ERICH3: variants seen among roughly 807,000 people sequenced by gnomAD.
ERICH3 encodes glutamate-rich protein 3.
A neutral mutation model predicts 131.1 loss-of-function variants in ERICH3; 126 were observed. That is an observed-to-expected ratio of 0.96 (90% confidence interval 0.83 to 1.11). The LOEUF is 1.11. ERICH3 is among the 50% of genes most tolerant of loss of function. The probability of loss-of-function intolerance (pLI) is 0.00; values close to 1 mark genes in which losing one functional copy is unlikely to be tolerated. For missense variants in ERICH3, 2,050 were observed against 1,810.7 expected (o/e 1.13, Z -2.40); for synonymous variants, 695 against 644.6 (o/e 1.08, Z -1.18).
chr1:74,670,576 T>C (rs577234302), intron 1 of ERICH3, among the ~76,000 whole-genome samples: 3 of 152,364 alleles, frequency 2.0e-5, no homozygotes, highest in South Asian at 2.1e-4. Context: ...CTGTCTTTAC[T>C]TTAATCTCTT....
At chr1:74,646,644 A>T in intron 3 of ERICH3, 23 bp downstream of exon 3, 1 of 1,165,612 alleles carries the variant, frequency 8.6e-7, no homozygotes, top group Non-Finnish European at 1.2e-6. Context: ...AAAATAAAAT[A>T]AAAAATAAGT....
In ERICH3 at chr1:74,641,685, T is replaced by A. The variant is rs75702909; in HGVS notation, c.316-226A>T. Among the ~76,000 whole-genome samples, 156 of 152,170 alleles carry A rather than the reference T, an allele frequency of 1.0e-3. 5 individuals are homozygous for A. In the East Asian group the frequency reaches 0.025, roughly 24 times the overall value. On this transcript the variant is annotated intron_variant, in intron 4 of 14. Coordinates refer to ENST00000326665, the MANE Select transcript of ERICH3 (RefSeq NM_001002912.5). ...AGCAGTGTATCCTCCATTTTAGCAATAATATTTGTTAATTTGCTTCAAGCA... is the reference window on the plus strand; with the variant it reads ...AGCAGTGTATCCTCCATTTTAGCAAAAATATTTGTTAATTTGCTTCAAGCA...
At chr1:74,589,318 C>T in intron 12 of ERICH3, 1 of 477,066 alleles carries the variant, frequency 2.1e-6, no homozygotes, top group Non-Finnish European at 3.7e-6. Flanking sequence ...CTAAAAGCCA[C>T]ACACATCCTT....
Position 74,650,512 on chromosome 1 carries a change from C to T in ERICH3, c.24-1197G>A, listed in dbSNP as rs532741400. Among the ~76,000 whole-genome samples the T allele has an allele frequency of 2.0e-5, 3 of 152,150 alleles. No individual in the cohort carries two copies. The East Asian group carries it at 5.8e-4, about 29-fold the overall frequency. On this transcript the variant is annotated intron_variant, in intron 1 of 14. Coordinates refer to ENST00000326665, the MANE Select transcript of ERICH3 (RefSeq NM_001002912.5). ...TCCTCCCTTATCCACATTCCAAGAC[C>T]CCCAGTGGATGCCTGAAACCGTGGA...
At chr1:74,665,264 T>C (rs932256224) in intron 1 of ERICH3, among the ~76,000 whole-genome samples, 2 of 150,572 alleles carry the variant, frequency 1.3e-5, no homozygotes, top group Non-Finnish European at 3.0e-5. Context: ...CACCAGACCC[T>C]GCAAATGTCT....
chr1:74,587,261 G>A (rs927563684), intron 12 of ERICH3, among the ~76,000 whole-genome samples: 1 of 146,170 alleles, frequency 6.8e-6, no homozygotes, highest in Non-Finnish European at 1.5e-5. Context: ...GGAGGCAGAG[G>A]TTGCAGTGAG....
chr1:74,612,529 C>G, intron 9 of ERICH3, 94 bp downstream of exon 9: 1 of 1,157,490 alleles, frequency 8.6e-7, no homozygotes. Flanking sequence ...TACTGAATTT[C>G]CTTAATAATT....
rs954158595 is a variant in ERICH3 at position 74,590,027 on chromosome 1, T to C, written c.1780A>G (p.Ser594Gly). The C allele has an allele frequency of 3.1e-6, 5 of 1,613,814 alleles. No individual in the cohort carries two copies. In the African/African-American group the frequency reaches 6.7e-5, roughly 22 times the overall value. ...SSRSHPYSSD[S>G]EDESAVGDRE... ...TCCCCCACTGCAGATTCATCCTCAC[T>C]GTCACTAGAATAAGGGTGACTTCTG... Residue 594 changes from serine to glycine, a missense_variant, in exon 12 of 15, where the codon AGT (serine) becomes GGT (glycine). Ser to Gly is a moderately conservative substitution (Grantham distance 56). Transcript: ENST00000326665.
chr1:74,574,159 T>A (rs1023020700), intron 13 of ERICH3, among the ~76,000 whole-genome samples: 4 of 151,918 alleles, frequency 2.6e-5, no homozygotes, highest in African/African-American at 7.3e-5. Context: ...CCAGGCTAAT[T>A]TTTTTGTTTT....
chr1:74,573,108 C>T lies in ERICH3; in HGVS notation c.2602G>A (p.Val868Met), dbSNP rs755899755. The change falls in exon 14 of 15, where the codon GTG (valine) becomes ATG (methionine). Residue 868 changes from valine (V) to methionine (M), a missense_variant. Val to Met is a conservative substitution (Grantham distance 21). Coordinates refer to ENST00000326665, the MANE Select transcript of ERICH3 (RefSeq NM_001002912.5). ...PIGQAAAKDA[V>M]GLSKDEAPEK... ...GGAGCCTCATCTTTACTCAGACCCA[C>T]AGCATCTTTTGCTGCTGCTTGTCCT... 50 of 1,613,954 alleles carry T rather than the reference C, an allele frequency of 3.1e-5. No homozygotes were observed. Among genetic ancestry groups the T allele is most frequent in the Non-Finnish European group, 4.2e-5 (49 of 1,179,946 alleles).
At chr1:74,631,299 T>C (rs747593601) in intron 7 of ERICH3, among the ~76,000 whole-genome samples, 4 of 152,134 alleles carry the variant, frequency 2.6e-5, no homozygotes, top group Non-Finnish European at 5.9e-5. Context: ...AATTTATCTA[T>C]GTATGATACA....
chr1:74,642,643 T>C (rs779123500), intron 4 of ERICH3, among the ~76,000 whole-genome samples: 1 of 152,160 alleles, frequency 6.6e-6, no homozygotes, highest in Non-Finnish European at 1.5e-5. Flanking sequence ...AATGAAAATG[T>C]GTCATTGTAT....
At chr1:74,640,094 C>T (rs1220325298) in intron 5 of ERICH3, among the ~76,000 whole-genome samples, 1 of 152,244 alleles carries the variant, frequency 6.6e-6, no homozygotes, top group Middle Eastern at 3.4e-3. Context: ...CTTTTTCACT[C>T]CTACCACATT....
chr1:74,663,679 G>A (rs1646663125), intron 1 of ERICH3, among the ~76,000 whole-genome samples: 1 of 150,760 alleles, frequency 6.6e-6, no homozygotes, highest in South Asian at 2.1e-4. Context: ...CTTTTGGTTT[G>A]GAGTGGTTTG....
intron 1 of ERICH3, among the ~76,000 whole-genome samples, chr1:74,660,164 C>T (rs1646626583): frequency 6.6e-6 from 1 of 152,068 alleles, no homozygotes; most frequent in African/African-American, 2.4e-5. Context: ...TTGCTTGGCA[C>T]TTCTCCTTCC....
At chr1:74,658,852 C>T (rs1484986376) in intron 1 of ERICH3, among the ~76,000 whole-genome samples, 1 of 152,162 alleles carries the variant, frequency 6.6e-6, no homozygotes. Flanking sequence ...AGCTCAATTT[C>T]CTCATCTGTA....
chr1:74,643,515 T>C (rs1182873487), intron 3 of ERICH3, among the ~76,000 whole-genome samples: 1 of 152,106 alleles, frequency 6.6e-6, no homozygotes, highest in African/African-American at 2.4e-5. Context: ...TAAAATATAA[T>C]TGATCATTTA....
intron 1 of ERICH3, among the ~76,000 whole-genome samples, chr1:74,672,113 A>G (rs1646748186): frequency 6.6e-6 from 1 of 152,244 alleles, no homozygotes; most frequent in African/African-American, 2.4e-5. Flanking sequence ...ACATTTTAAA[A>G]TAGATTATTA....
intron 1 of ERICH3, among the ~76,000 whole-genome samples, chr1:74,660,364 G>A (rs1181642154): frequency 6.6e-6 from 1 of 151,742 alleles, no homozygotes; most frequent in African/African-American, 2.4e-5. Flanking sequence ...AGGGAATTGA[G>A]TTTACAGTAT....
Sources: gnomAD v4.1 joint callset for allele counts (sites outside exome capture counted in the v4.1 genomes callset) on GRCh38, gnomAD v4.1.1 for gene constraint, MANE v1.5 for transcripts, NCBI Gene and HGNC (gene_info 2026-07-23, HGNC 2026-07-21) for gene names.